The following LIMCH1 variants were observed in gnomAD, a reference collection of about 807,000 sequenced individuals.
The protein encoded by LIMCH1 is LIM and calponin homology domains-containing protein 1.
In LIMCH1, 113 loss-of-function variants were observed where a neutral mutation model predicts 176.5. That is an observed-to-expected ratio of 0.64 (90% CI 0.55 to 0.75). The LOEUF is 0.75. Ranked by LOEUF, LIMCH1 falls within the 30% of genes least tolerant of loss-of-function variation. The pLI, the probability that LIMCH1 is intolerant of heterozygous loss-of-function variation, is 0.00. For synonymous variants in LIMCH1, 619 were observed against 645.9 expected (o/e 0.96, Z 0.63); for missense variants, 1,674 against 1,814.9 (o/e 0.92, Z 1.41).
At chr4:41,666,527 C>T in intron 20 of LIMCH1, 34 bp from the exon 21 acceptor site, 1 of 1,382,432 alleles carries the variant, frequency 7.2e-7, no homozygotes. Context: ...ATGGACAGTT[C>T]TTGCAATATT....
intron 1 of LIMCH1, among the ~76,000 whole-genome samples, chr4:41,442,699 AC>A (rs965690755): frequency 2.6e-5 from 4 of 152,234 alleles, no homozygotes; most frequent in Non-Finnish European, 5.9e-5. Flanking sequence ...ATATAGCTTC[AC>A]ACAGATGCAC....
chr4:41,501,143 A>G (rs1312518728), intron 2 of LIMCH1, among the ~76,000 whole-genome samples: 1 of 152,208 alleles, frequency 6.6e-6, no homozygotes, highest in Non-Finnish European at 1.5e-5. Context: ...ATTTTCTTTA[A>G]CCCCTGAGAA....
intron 1 of LIMCH1, among the ~76,000 whole-genome samples, chr4:41,546,915 G>T (rs2079514493): frequency 6.6e-6 from 1 of 152,152 alleles, no homozygotes; most frequent in South Asian, 2.1e-4. Context: ...GAGAGAGCTA[G>T]TTCCCTGTCA....
At chr4:41,598,527 T>TA (rs2089334396) in intron 1 of LIMCH1, among the ~76,000 whole-genome samples, 2 of 151,396 alleles carry the variant, frequency 1.3e-5, no homozygotes, top group African/African-American at 4.9e-5. Flanking sequence ...AAAAACCTTT[T>TA]TAAAAAAAAA....
intron 7 of LIMCH1, among the ~76,000 whole-genome samples, chr4:41,623,911 G>A (rs2092763957): frequency 6.6e-6 from 1 of 152,174 alleles, no homozygotes; most frequent in African/African-American, 2.4e-5. Context: ...CTTAATAAAT[G>A]TGTGGAGTTT....
chr4:41,681,833 T>C (rs1484982175), intron 25 of LIMCH1, among the ~76,000 whole-genome samples: 1 of 151,932 alleles, frequency 6.6e-6, no homozygotes, highest in Admixed American at 6.6e-5. Context: ...AAAACCTAAA[T>C]AAATAAATAA....
At chr4:41,423,658 A>C (rs2060820397) in intron 1 of LIMCH1, among the ~76,000 whole-genome samples, 3 of 152,072 alleles carry the variant, frequency 2.0e-5, no homozygotes, top group Admixed American at 1.3e-4. Context: ...TGAGGGTGGG[A>C]CCAAAAGTCC....
At chr4:41,494,488 G>C in intron 1 of LIMCH1, 1 of 1,403,342 alleles carries the variant, frequency 7.1e-7, no homozygotes, top group Non-Finnish European at 1.0e-6. Flanking sequence ...TGGACTTCTT[G>C]ATTAAAAAAG....
Position 41,687,900 on chromosome 4 carries a change from C to T in LIMCH1, c.4149C>T (p.Pro1383=), listed in dbSNP as rs1245271195. 20 of 1,613,328 alleles carry T rather than the reference C, an allele frequency of 1.2e-5. 1 individual carries two copies. Among genetic ancestry groups the T allele is most frequent in the Middle Eastern group, 1.6e-4 (1 of 6,078 alleles). ...TCTCTCCCTGTTCTCCCACCCCTCC[C>T]GGTCAGTCACCAAACAGGTACAAGA... ...GPFSPCSPTP[P]GQSPNRSISG... The change falls in exon 29 of 32, where the codon CCC becomes CCT. Residue 1383 remains proline, a synonymous_variant. Coordinates refer to ENST00000503057, the MANE Select transcript of LIMCH1 (RefSeq NM_001330672.2).
chr4:41,607,141 A>G (rs2090840945), intron 4 of LIMCH1, among the ~76,000 whole-genome samples: 1 of 152,222 alleles, frequency 6.6e-6, no homozygotes, highest in Non-Finnish European at 1.5e-5. Flanking sequence ...AGGACAAATA[A>G]TTGAGGCCTT....
Position 41,676,408 on chromosome 4 carries a change from A to G in LIMCH1, c.3465A>G (p.Glu1155=). 3 of 1,614,064 alleles carry G rather than the reference A, an allele frequency of 1.9e-6. No individual in the cohort carries two copies. Among genetic ancestry groups the G allele is most frequent in the Non-Finnish European group, 1.7e-6 (2 of 1,179,922 alleles). The change falls in exon 23 of 32, where the codon GAA becomes GAG. Residue 1155 remains glutamate, a synonymous_variant. Coordinates refer to ENST00000503057, the MANE Select transcript of LIMCH1 (RefSeq NM_001330672.2). ...TPFKFWAWDP[E]EERRRQEKWQ... is the part of the protein sequence containing the mutation. The stretch of plus-strand genomic sequence containing the variant: ...TTAAGTTCTGGGCATGGGACCCAGA[A>G]GAGGAGCGCAGGCGACAGGAAAAAT...
intron 1 of LIMCH1, among the ~76,000 whole-genome samples, chr4:41,579,978 C>T (rs906060054): frequency 6.6e-6 from 1 of 152,112 alleles, no homozygotes; most frequent in African/African-American, 2.4e-5. Flanking sequence ...GCACAGCCTT[C>T]GGGGAGGGCA....
chr4:41,463,581 C>A (rs979812710), intron 1 of LIMCH1, among the ~76,000 whole-genome samples: 1 of 144,006 alleles, frequency 6.9e-6, no homozygotes, highest in African/African-American at 2.6e-5. Flanking sequence ...TTTTTTTTAA[C>A]TTTTATTTTT....
At chr4:41,587,298 C>G (rs1397382418) in intron 1 of LIMCH1, among the ~76,000 whole-genome samples, 3 of 152,186 alleles carry the variant, frequency 2.0e-5, no homozygotes. Context: ...TCCTCCTCTA[C>G]TCCTCCCTGG....
intron 1 of LIMCH1, among the ~76,000 whole-genome samples, chr4:41,581,585 T>C (rs2085448395): frequency 4.6e-5 from 7 of 151,870 alleles, no homozygotes; most frequent in Admixed American, 4.6e-4. Flanking sequence ...GGCGGGTGGA[T>C]CCCGAGGTCA....
At chr4:41,458,158 G>A (rs893552452) in intron 1 of LIMCH1, among the ~76,000 whole-genome samples, 1 of 152,010 alleles carries the variant, frequency 6.6e-6, no homozygotes, top group Non-Finnish European at 1.5e-5. Context: ...CACCTGCTAT[G>A]TACCCACAAA....
Position 41,646,764 on chromosome 4 carries a change from T to G in LIMCH1, c.2691T>G (p.Val897=). 6.2e-7 allele frequency: 1 copy of G among 1,614,186 alleles called. No individual in the cohort carries two copies. The highest frequency in any genetic ancestry group is 1.1e-5 in the South Asian group (1 of 91,066). The change falls in exon 17 of 32, where the codon GTT becomes GTG. Residue 897 remains valine, a synonymous_variant. Coordinates refer to ENST00000503057, the MANE Select transcript of LIMCH1 (RefSeq NM_001330672.2). ...TVETTIARAS[V]LDTSMSAGSG... is the part of the protein sequence containing the mutation. ...AAACCACCATTGCTCGTGCCAGTGT[T>G]CTGGATACCAGCATGTCAGCAGGCA...
At chr4:41,563,953 T>A (rs1336365325) in intron 1 of LIMCH1, among the ~76,000 whole-genome samples, 1 of 152,196 alleles carries the variant, frequency 6.6e-6, no homozygotes, top group African/African-American at 2.4e-5. Flanking sequence ...CTTCTCTCCA[T>A]CCTAGAGCAG....
At position 41,580,336 on chromosome 4, in the gene LIMCH1, G is replaced by A. The variant is rs530127629; in HGVS notation, c.-240-18584G>A. Among the ~76,000 whole-genome samples, 9 of 152,218 alleles carry A rather than the reference G, an allele frequency of 5.9e-5. No homozygotes were observed. The East Asian group carries it at 1.7e-3, about 29-fold the overall frequency. The stretch of plus-strand genomic sequence containing the variant: ...AGATATTGAACAGGTCACACTCTGT[G>A]ATCATGATGCAATGGGTATAGAAAT... On this transcript the variant is annotated intron_variant, in intron 1 of 31. Coordinates refer to ENST00000503057, the MANE Select transcript of LIMCH1 (RefSeq NM_001330672.2).
Sources: gnomAD v4.1 joint callset for allele counts (sites outside exome capture counted in the v4.1 genomes callset) on GRCh38, gnomAD v4.1.1 for gene constraint, MANE v1.5 for transcripts, NCBI Gene and HGNC (gene_info 2026-07-23, HGNC 2026-07-21) for gene names.